PCDHA8: variants seen among roughly 807,000 people sequenced by gnomAD.
PCDHA8 encodes the protein protocadherin alpha 8, also known as protocadherin alpha-8.
PCDHA8 carries 53 observed loss-of-function variants against 61.8 expected under a neutral mutation model. The observed-to-expected ratio is 0.86, with a 90% CI of 0.69 to 1.08. The LOEUF (loss-of-function observed/expected upper bound fraction) is 1.08, where lower values mean the gene tolerates loss of function less well. Among genes scored for constraint, PCDHA8 ranks in the 50% least tolerant of loss-of-function variants. PCDHA8 has a pLI of 0.00. For missense variants in PCDHA8, 1,293 were observed against 1,245.0 expected (o/e 1.04, Z -0.58); for synonymous variants, 618 against 556.6 (o/e 1.11, Z -1.55).
chr5:140,978,601 G>A (rs1382051729), intron 1 of PCDHA8, among the ~76,000 whole-genome samples: 1 of 152,244 alleles, frequency 6.6e-6, no homozygotes, highest in African/African-American at 2.4e-5. Flanking sequence ...TGGGGCACTT[G>A]AGGGCAAAAG....
At chr5:140,884,428 G>C in intron 1 of PCDHA8, 1 of 1,613,962 alleles carries the variant, frequency 6.2e-7, no homozygotes, top group Non-Finnish European at 8.5e-7. Context: ...TGTATACTGC[G>C]CTGCGGTGCT....
chr5:140,964,099 C>T (rs2095809950), intron 1 of PCDHA8, among the ~76,000 whole-genome samples: 1 of 152,142 alleles, frequency 6.6e-6, no homozygotes, highest in South Asian at 2.1e-4. Flanking sequence ...TAATTAACAA[C>T]AGTCTGAGCA....
At chr5:140,862,493 C>T (rs1554156460) in intron 1 of PCDHA8, 4 of 388,658 alleles carry the variant, frequency 1.0e-5, no homozygotes, top group Admixed American at 3.4e-5. Context: ...GGTAATCGCT[C>T]GGAATGGGGA....
intron 2 of PCDHA8, 58 bp from the exon 3 acceptor site, chr5:140,982,417 G>T: frequency 1.2e-6 from 2 of 1,610,546 alleles, no homozygotes; most frequent in Non-Finnish European, 1.7e-6. Flanking sequence ...GAGGGTGGAA[G>T]AAGAGATGGG....
At chr5:140,926,879 C>T (rs1554203752) in intron 1 of PCDHA8, 1 of 1,534,362 alleles carries the variant, frequency 6.5e-7, no homozygotes, top group African/African-American at 1.4e-5. Context: ...GGAACGTGGA[C>T]GCCTAGAGGG....
intron 1 of PCDHA8, among the ~76,000 whole-genome samples, chr5:140,952,839 T>G (rs1270756530): frequency 6.6e-6 from 1 of 152,210 alleles, no homozygotes; most frequent in Non-Finnish European, 1.5e-5. Context: ...GCTGGCCATC[T>G]GCTTGTCTTC....
chr5:140,943,420 G>T (rs1197382156), intron 1 of PCDHA8, among the ~76,000 whole-genome samples: 1 of 152,040 alleles, frequency 6.6e-6, no homozygotes, highest in Non-Finnish European at 1.5e-5. Context: ...AGAGGCAAGG[G>T]CTTTAATATG....
intron 1 of PCDHA8, among the ~76,000 whole-genome samples, chr5:140,899,834 G>T (rs181729880): frequency 6.6e-6 from 1 of 152,198 alleles, no homozygotes; most frequent in Admixed American, 6.5e-5. Context: ...TTTGAGACAG[G>T]TCTTGCTGTG....
At chr5:140,858,195 A>G in intron 1 of PCDHA8, 1 of 1,597,156 alleles carries the variant, frequency 6.3e-7, no homozygotes, top group East Asian at 2.2e-5. Flanking sequence ...CTGCTGCTGT[A>G]CACTGCACTG....
chr5:140,964,079 G>A (rs1209152794), intron 1 of PCDHA8, among the ~76,000 whole-genome samples: 3 of 152,178 alleles, frequency 2.0e-5, no homozygotes, highest in African/African-American at 7.2e-5. Flanking sequence ...GTTAATATTT[G>A]TAGAAAGGGT....
rs782163702 is a variant in PCDHA8, at chr5:140,979,042, C to G, written c.2453+35C>G. 3.1e-6 allele frequency: 5 copies of G among 1,612,562 alleles called. No individual in the cohort carries two copies. The South Asian group carries it at 4.4e-5, about 14-fold the overall frequency. Reference sequence around the variant, plus strand: ...TCCCTCCTCATTCACTCAGAAGTAACCTTAACTTGGTATGGCTCAGATAAA... The same window carrying G: ...TCCCTCCTCATTCACTCAGAAGTAAGCTTAACTTGGTATGGCTCAGATAAA... On this transcript the variant is annotated intron_variant, in intron 2 of 3. Coordinates refer to ENST00000531613, the MANE Select transcript of PCDHA8 (RefSeq NM_018911.3).
rs782208845 is a variant in PCDHA8 at position 140,857,288 on chromosome 5, C to G, written c.2394+13573C>G. ...ATTGGTGCTGGACAGCGCTCTGGAC[C>G]GCGAGAGGGTGTCGGCCTATGAGCT... On this transcript the variant is annotated intron_variant, in intron 1 of 3. Transcript: ENST00000531613. 42 of 1,598,652 alleles carry G rather than the reference C, an allele frequency of 2.6e-5. 1 individual carries two copies. The highest frequency in any genetic ancestry group is 3.3e-5 in the Non-Finnish European group (39 of 1,168,028).
At chr5:140,870,838 C>T (rs1554164743) in intron 1 of PCDHA8, 4 of 1,613,700 alleles carry the variant, frequency 2.5e-6, no homozygotes, top group Admixed American at 3.3e-5. Context: ...AGTTAACAAG[C>T]TAGTACCGCG....
At position 141,009,660 on chromosome 5, in the gene PCDHA8, G is replaced by C; in HGVS notation, c.2576G>C (p.Gly859Ala). 7 of 1,614,084 alleles carry C rather than the reference G, an allele frequency of 4.3e-6. No homozygotes were observed. Among genetic ancestry groups the C allele is most frequent in the Non-Finnish European group, 5.9e-6 (7 of 1,180,030 alleles). Residue 859 changes from glycine (G) to alanine (A), a missense_variant, in exon 4 of 4, where the codon GGT becomes GCT. Physicochemically the swap from Gly to Ala is moderately conservative, Grantham distance 60 (BLOSUM62 0). Coordinates refer to ENST00000531613, the MANE Select transcript of PCDHA8 (RefSeq NM_018911.3). ...PEAGEVSPPV[G>A]AGVNSNSWTF... ...GCAGGAGAAGTGTCCCCTCCAGTCGGTGCGGGTGTCAACAGCAACAGCTGG... is the reference window on the plus strand; with the variant it reads ...GCAGGAGAAGTGTCCCCTCCAGTCGCTGCGGGTGTCAACAGCAACAGCTGG...
chr5:140,849,485 G>A, intron 1 of PCDHA8: 1 of 1,590,948 alleles, frequency 6.3e-7, no homozygotes, highest in African/African-American at 1.4e-5. Flanking sequence ...TCCCACCCCT[G>A]GCTGGTCATT....
chr5:140,933,694 C>A lies in PCDHA8; in HGVS notation c.2395-45255C>A, dbSNP rs782754431. On this transcript the variant is annotated intron_variant, in intron 1 of 3. Coordinates refer to ENST00000531613, the MANE Select transcript of PCDHA8 (RefSeq NM_018911.3). ...CTCTCACATTTTTTTTCCTATTCCT[C>A]GGACACATTTACTGAGATTGGTGAT... 5.3e-5 allele frequency among the ~76,000 whole-genome samples: 8 copies of A among 151,858 alleles called. No homozygotes were observed. In the South Asian group the frequency reaches 1.7e-3, roughly 31 times the overall value.
intron 1 of PCDHA8, among the ~76,000 whole-genome samples, chr5:140,952,723 A>G (rs979234260): frequency 6.6e-6 from 1 of 152,168 alleles, no homozygotes; most frequent in Non-Finnish European, 1.5e-5. Flanking sequence ...AATTTTCTGT[A>G]CTAGTCTTTT....
intron 3 of PCDHA8, among the ~76,000 whole-genome samples, chr5:140,989,404 A>G (rs2097341135): frequency 6.6e-6 from 1 of 152,134 alleles, no homozygotes; most frequent in Non-Finnish European, 1.5e-5. Flanking sequence ...GAGGGTGGAG[A>G]GTCTGCACTT....
At chr5:140,871,010 TGG>T in intron 1 of PCDHA8, 1 of 1,613,348 alleles carries the variant, frequency 6.2e-7, no homozygotes, top group South Asian at 1.1e-5. Context: ...ACGCGTGCCC[TGG>T]ACGAGGCAGA....
Sources: allele counts gnomAD v4.1 joint callset (sites outside exome capture counted in the v4.1 genomes callset), GRCh38; gene constraint gnomAD v4.1.1; transcripts MANE v1.5; gene names NCBI Gene and HGNC (gene_info 2026-07-23, HGNC 2026-07-21).